The following CDHR3 variants were observed in gnomAD, a reference collection of about 807,000 sequenced individuals.
The protein encoded by CDHR3 is cadherin-related family member 3.
In CDHR3, 79 loss-of-function variants were observed where a neutral mutation model predicts 86.6. The ratio of observed to expected loss-of-function variants is 0.91; its 90% CI spans 0.76 to 1.10. The LOEUF is 1.10. Among genes scored for constraint, CDHR3 ranks in the 50% least tolerant of loss-of-function variants. The pLI is 0.00. For synonymous variants in CDHR3, 421 were observed against 402.4 expected, an observed-to-expected ratio of 1.05 and a Z score of -0.55; for missense variants, 1,081 against 1,077.6, an observed-to-expected ratio of 1.00 and a Z score of -0.04.
At chr7:105,991,140 G>T (rs926404866) in intron 4 of CDHR3, among the ~76,000 whole-genome samples, 3 of 152,178 alleles carry the variant, frequency 2.0e-5, no homozygotes, top group Admixed American at 6.5e-5. Flanking sequence ...GGCTGCAGTT[G>T]CTTTTCATTC....
chr7:105,984,382 C>A, intron 4 of CDHR3, 93 bp downstream of exon 4: 3 of 817,030 alleles, frequency 3.7e-6, no homozygotes, highest in South Asian at 2.1e-5. Context: ...TGAGTTTGGG[C>A]AGTGGCAGTC....
intron 4 of CDHR3, 78 bp downstream of exon 4, chr7:105,984,367 C>A (rs866248977): frequency 9.7e-6 from 11 of 1,134,480 alleles, no homozygotes; most frequent in Non-Finnish European, 1.1e-5. Flanking sequence ...TGAGTCTTGG[C>A]GGGGTGAGTT....
chr7:105,966,189 T>TA (rs1249266884), intron 1 of CDHR3, among the ~76,000 whole-genome samples: 2 of 152,102 alleles, frequency 1.3e-5, no homozygotes, highest in Non-Finnish European at 2.9e-5. Context: ...ATGAAGGACA[T>TA]AGAGAAGGAC....
At chr7:105,970,985 CA>C (rs1422451224) in intron 1 of CDHR3, among the ~76,000 whole-genome samples, 4 of 151,860 alleles carry the variant, frequency 2.6e-5, no homozygotes, top group Non-Finnish European at 5.9e-5. Context: ...ACTAAAAATA[CA>C]AAAAAATAGC....
At position 106,024,399 on chromosome 7, in the gene CDHR3, G is replaced by C; in HGVS notation, c.2095G>C (p.Val699Leu). ...TTPRPRVTYQVLRKNVYSPSA... is the reference protein window; with the variant it reads ...TTPRPRVTYQLLRKNVYSPSA... ...GTTCAAGCCCAGGGTCACCTATCAGGTCCTGAGGAAAAACGTTTACTCTCC... is the reference window on the plus strand; with the variant it reads ...GTTCAAGCCCAGGGTCACCTATCAGCTCCTGAGGAAAAACGTTTACTCTCC... The change falls in exon 15 of 19, where the codon GTC becomes CTC. Residue 699 changes from valine (V) to leucine (L), a missense_variant. Physicochemically the swap from Val to Leu is conservative, Grantham distance 32. Transcript: ENST00000317716. 2 of 1,613,960 alleles carry C rather than the reference G, an allele frequency of 1.2e-6. No homozygotes were observed. Among genetic ancestry groups the C allele is most frequent in the Non-Finnish European group, 1.7e-6 (2 of 1,179,874 alleles).
chr7:106,030,530 G>GC lies in CDHR3; in HGVS notation c.2305-258dup, dbSNP rs1323795032. 6.6e-6 allele frequency among the ~76,000 whole-genome samples: 1 copy of GC among 152,238 alleles called. No homozygotes were observed. The highest frequency in any genetic ancestry group is 3.4e-3 in the Middle Eastern group (1 of 294). ...AAATGTCCCCTCTACCCCTACCTGT[G>GC]CCCCATAACACCCTATATCTCCCCA... is the stretch of plus-strand genomic sequence containing the variant. On this transcript the variant is annotated intron_variant, in intron 17 of 18. Coordinates refer to ENST00000317716, the MANE Select transcript of CDHR3 (RefSeq NM_152750.5). The surrounding 1 kb of genome is among the most constrained non-coding windows in gnomAD (Gnocchi z 4.8).
At chr7:105,974,320 A>G (rs1375511267) in intron 1 of CDHR3, among the ~76,000 whole-genome samples, 1 of 152,152 alleles carries the variant, frequency 6.6e-6, no homozygotes, top group Non-Finnish European at 1.5e-5. Flanking sequence ...ATAACCAAAA[A>G]TTGTCCTTGA....
At chr7:106,029,668 G>T (rs1838042224) in intron 17 of CDHR3, among the ~76,000 whole-genome samples, 1 of 151,810 alleles carries the variant, frequency 6.6e-6, no homozygotes, top group South Asian at 2.1e-4. Context: ...CACGAATAAG[G>T]CTTTGTCATG....
chr7:106,018,097 G>T, intron 12 of CDHR3, 25 bp downstream of exon 12: 1 of 1,595,476 alleles, frequency 6.3e-7, no homozygotes, highest in Middle Eastern at 1.7e-4. Flanking sequence ...TTGGTATAGT[G>T]CCGGTAACCC....
intron 8 of CDHR3, among the ~76,000 whole-genome samples, chr7:106,011,018 G>T (rs961135527): frequency 6.6e-6 from 1 of 152,294 alleles, no homozygotes; most frequent in East Asian, 1.9e-4. Context: ...CAAACACAGT[G>T]ATGGATTTCA....
At chr7:105,974,468 GAGA>G (rs1828474928) in intron 1 of CDHR3, among the ~76,000 whole-genome samples, 1 of 152,224 alleles carries the variant, frequency 6.6e-6, no homozygotes, top group Non-Finnish European at 1.5e-5. Context: ...CCTGGCAAGA[GAGA>G]AGATGACATT....
chr7:106,035,833 A>G lies in CDHR3; in HGVS notation c.*3136A>G, dbSNP rs2115950970. ...AAGGTGAAGTTACAACGTTGCAACGAAGACTCGGCTGGCAATCAGTCTGAT... is the reference window on the plus strand; with the variant it reads ...AAGGTGAAGTTACAACGTTGCAACGGAGACTCGGCTGGCAATCAGTCTGAT... On this transcript the variant is annotated 3_prime_UTR_variant, in exon 19 of 19. Coordinates refer to ENST00000317716, the MANE Select transcript of CDHR3 (RefSeq NM_152750.5). The G allele has an allele frequency of 6.6e-6, 1 of 152,304 alleles. No homozygotes were observed. Among genetic ancestry groups the G allele is most frequent in the Non-Finnish European group, 1.5e-5 (1 of 68,026 alleles). The allele number at this position is 152,304 out of a possible 1,614,324, so 9.4% of individuals were successfully genotyped here. A position where few individuals can be genotyped will look rare whatever the true frequency, so the allele number is the denominator to read the frequency against.
intron 4 of CDHR3, among the ~76,000 whole-genome samples, chr7:105,985,134 C>T (rs1830340980): frequency 6.6e-6 from 1 of 151,972 alleles, no homozygotes; most frequent in Admixed American, 6.6e-5. Context: ...TGGGAATTGC[C>T]TCATGATTCA....
chr7:105,996,587 T>G (rs1201345525), intron 6 of CDHR3, among the ~76,000 whole-genome samples: 2 of 152,158 alleles, frequency 1.3e-5, no homozygotes, highest in African/African-American at 2.4e-5. Context: ...CATGGGATTT[T>G]GGATATGGTG....
At chr7:105,972,019 C>T (rs936341777) in intron 1 of CDHR3, among the ~76,000 whole-genome samples, 1 of 152,192 alleles carries the variant, frequency 6.6e-6, no homozygotes, top group Admixed American at 6.5e-5. Context: ...GACCGACTGT[C>T]TGTAGTAGGT....
chr7:105,998,897 T>G (rs1345410485), intron 6 of CDHR3, among the ~76,000 whole-genome samples: 1 of 152,126 alleles, frequency 6.6e-6, no homozygotes, highest in Non-Finnish European at 1.5e-5. Context: ...GTTGGGTAGG[T>G]AGGTCTTTCT....
At chr7:106,026,116 CA>C (rs1837309712) in intron 15 of CDHR3, among the ~76,000 whole-genome samples, 1 of 152,212 alleles carries the variant, frequency 6.6e-6, no homozygotes, top group African/African-American at 2.4e-5. Flanking sequence ...GACTCAGACT[CA>C]ACCTCTCTGG....
At chr7:105,989,220 C>A (rs928628431) in intron 4 of CDHR3, among the ~76,000 whole-genome samples, 19 of 143,934 alleles carry the variant, frequency 1.3e-4, no homozygotes, top group Admixed American at 6.9e-4. Flanking sequence ...GTACCCACCC[C>A]CCCACCTCTT....
At position 106,024,578 on chromosome 7, in the gene CDHR3, G is replaced by C. The variant is rs552715522; in HGVS notation, c.2258+16G>C. The C allele has an allele frequency of 7.8e-5, 126 of 1,612,918 alleles. No homozygotes were observed. In the South Asian group the frequency reaches 7.9e-4, roughly 10 times the overall value. ...AGGAACCTCTGTAAGTTGCCAGTGG[G>C]CTGGGCCCTCTTCCCCACCTCCTTT... On this transcript the variant is annotated intron_variant, in intron 15 of 18. Coordinates refer to ENST00000317716, the MANE Select transcript of CDHR3 (RefSeq NM_152750.5).
Sources: allele counts gnomAD v4.1 joint callset (sites outside exome capture counted in the v4.1 genomes callset), GRCh38; gene constraint gnomAD v4.1.1; non-coding constraint Gnocchi (gnomAD v3.1); transcripts MANE v1.5; gene names NCBI Gene and HGNC (gene_info 2026-07-23, HGNC 2026-07-21).